The following KHDRBS2 variants were observed in gnomAD, a reference collection of about 807,000 sequenced individuals.
The protein encoded by KHDRBS2 is KH RNA binding domain containing, signal transduction associated 2.
Under a neutral mutation model 44.3 loss-of-function variants are expected in KHDRBS2, and 26 were observed. The observed-to-expected ratio is 0.59, with a 90% CI of 0.43 to 0.81. The LOEUF (loss-of-function observed/expected upper bound fraction) is 0.81, where lower values mean the gene tolerates loss of function less well. KHDRBS2 is among the 40% of genes least tolerant of loss of function. The pLI is 0.00. For synonymous variants in KHDRBS2, 194 were observed against 151.1 expected, an observed-to-expected ratio of 1.28 and a Z score of -2.08; for missense variants, 476 against 433.1, an observed-to-expected ratio of 1.10 and a Z score of -0.88.
chr6:62,079,795 T>A (rs1469722520), intron 2 of KHDRBS2, among the ~76,000 whole-genome samples: 4 of 152,082 alleles, frequency 2.6e-5, no homozygotes, highest in African/African-American at 9.7e-5. Context: ...AGTTTCCACA[T>A]AATTAAATCC....
chr6:61,764,522 C>A (rs1035075969), intron 6 of KHDRBS2, among the ~76,000 whole-genome samples: 3 of 152,160 alleles, frequency 2.0e-5, no homozygotes, highest in Non-Finnish European at 4.4e-5. Flanking sequence ...TATTTATCCA[C>A]AACCTTGCCA....
chr6:61,902,441 A>G (rs916654438), intron 4 of KHDRBS2, among the ~76,000 whole-genome samples: 13 of 152,132 alleles, frequency 8.5e-5, no homozygotes, highest in African/African-American at 3.1e-4. Context: ...GAGCTGAATC[A>G]TTACAGGTAA....
At chr6:61,701,346 C>A (rs1277906262) in intron 7 of KHDRBS2, among the ~76,000 whole-genome samples, 3 of 151,944 alleles carry the variant, frequency 2.0e-5, no homozygotes, top group Non-Finnish European at 4.4e-5. Flanking sequence ...ATAGAAGGTT[C>A]AAAAATTTGA....
chr6:61,974,933 AAAAT>A (rs139333730), intron 4 of KHDRBS2, among the ~76,000 whole-genome samples: 81,071 of 138,370 alleles, frequency 0.59, 25,253 homozygotes, highest in Non-Finnish European at 0.69. Context: ...TCCATCTTAA[AAAAT>A]AAATAAATAA....
rs200373700 is a variant in KHDRBS2, at chr6:61,944,894, C to A, written c.483+33172G>T. Among the ~76,000 whole-genome samples, 82 of 151,378 alleles carry A rather than the reference C, an allele frequency of 5.4e-4. No homozygotes were observed. In the East Asian group the frequency reaches 0.014, roughly 25 times the overall value. On this transcript the variant is annotated intron_variant, in intron 4 of 8. Coordinates refer to ENST00000281156, the MANE Select transcript of KHDRBS2 (RefSeq NM_152688.4). ...TCACCTGAGATCAGGAGCTCAAGACCAGTCTGGCCAACATGAGGAAACCCC... is the reference window on the plus strand; with the variant it reads ...TCACCTGAGATCAGGAGCTCAAGACAAGTCTGGCCAACATGAGGAAACCCC...
intron 4 of KHDRBS2, among the ~76,000 whole-genome samples, chr6:61,913,848 A>G (rs1253593231): frequency 2.0e-5 from 3 of 152,126 alleles, no homozygotes; most frequent in Non-Finnish European, 4.4e-5. Context: ...AAAGACAGGA[A>G]GGAGCTGAGC....
chr6:61,898,844 A>G, intron 5 of KHDRBS2, among the ~76,000 whole-genome samples: 1 of 151,944 alleles, frequency 6.6e-6, no homozygotes, highest in Non-Finnish European at 1.5e-5. Context: ...TTTAGGAGCA[A>G]TAGGGAGGTG....
chr6:62,240,701 T>C (rs1279124606), intron 1 of KHDRBS2, among the ~76,000 whole-genome samples: 1 of 132,270 alleles, frequency 7.6e-6, no homozygotes, highest in Admixed American at 7.5e-5. Flanking sequence ...TATATATATA[T>C]ATATATATAT....
In KHDRBS2 at chr6:62,071,438, T is replaced by G. The variant is rs375709574; in HGVS notation, c.220-23444A>C. ...CCCATGCCTATGTCCTGAATGGTAT[T>G]GCTTATGTTTTCTTCTAGGATTTTT... On this transcript the variant is annotated intron_variant, in intron 2 of 8. Transcript: ENST00000281156. Among the ~76,000 whole-genome samples, 8 of 152,358 alleles carry G rather than the reference T, an allele frequency of 5.3e-5. No homozygotes were observed. In the East Asian group the frequency reaches 1.3e-3, roughly 26 times the overall value.
chr6:62,013,754 G>A (rs1455410622), intron 3 of KHDRBS2, among the ~76,000 whole-genome samples: 3 of 152,120 alleles, frequency 2.0e-5, no homozygotes, highest in South Asian at 2.1e-4. Flanking sequence ...TTGGCAGTGC[G>A]TTGCCTCACA....
chr6:61,892,947 C>T (rs1411981376), intron 6 of KHDRBS2, among the ~76,000 whole-genome samples: 1 of 151,950 alleles, frequency 6.6e-6, no homozygotes, highest in South Asian at 2.1e-4. Flanking sequence ...AAAGAAACTA[C>T]CATCAGAGTG....
chr6:62,074,570 T>C (rs1034872505), intron 2 of KHDRBS2, among the ~76,000 whole-genome samples: 1 of 151,904 alleles, frequency 6.6e-6, no homozygotes, highest in Admixed American at 6.6e-5. Context: ...ACCTTCTACA[T>C]ATTTATACTA....
intron 4 of KHDRBS2, among the ~76,000 whole-genome samples, chr6:61,904,815 A>G (rs1396885564): frequency 2.0e-5 from 3 of 152,016 alleles, no homozygotes; most frequent in Admixed American, 2.0e-4. Context: ...TTTTTTTGTC[A>G]CAAGAAGATT....
chr6:62,009,507 C>G (rs1029972151), intron 3 of KHDRBS2, among the ~76,000 whole-genome samples: 7 of 152,104 alleles, frequency 4.6e-5, no homozygotes, highest in African/African-American at 7.2e-5. Context: ...AATGAGGAGC[C>G]GAATGTTAAT....
chr6:61,549,197 T>C, the KHDRBS2 span, among the ~76,000 whole-genome samples: 1 of 152,040 alleles, frequency 6.6e-6, no homozygotes, highest in Non-Finnish European at 1.5e-5. Context: ...CCATAAAGTA[T>C]GAGATATAAG....
intron 1 of KHDRBS2, among the ~76,000 whole-genome samples, chr6:62,243,954 A>C (rs1183558482): frequency 6.6e-6 from 1 of 152,028 alleles, no homozygotes; most frequent in African/African-American, 2.4e-5. Context: ...TCTTTTTTTG[A>C]ATTTTCTAGA....
chr6:62,065,217 C>T (rs1318553160), intron 2 of KHDRBS2, among the ~76,000 whole-genome samples: 3 of 152,118 alleles, frequency 2.0e-5, no homozygotes, highest in African/African-American at 7.2e-5. Context: ...TTGTGGAAGT[C>T]AGTGTGGCCA....
At chr6:61,723,134 T>C (rs1234775621) in intron 7 of KHDRBS2, among the ~76,000 whole-genome samples, 2 of 150,156 alleles carry the variant, frequency 1.3e-5, no homozygotes, top group African/African-American at 2.5e-5. Flanking sequence ...AGCAGGACTA[T>C]AGACAAGTGG....
At chr6:61,890,330 A>G (rs1279960592) in intron 6 of KHDRBS2, among the ~76,000 whole-genome samples, 1 of 152,026 alleles carries the variant, frequency 6.6e-6, no homozygotes, top group Non-Finnish European at 1.5e-5. Context: ...GAACATACTC[A>G]CCTCTTAAAT....
Sources: allele counts gnomAD v4.1 joint callset (sites outside exome capture counted in the v4.1 genomes callset), GRCh38; gene constraint gnomAD v4.1.1; transcripts MANE v1.5; gene names NCBI Gene and HGNC (gene_info 2026-07-23, HGNC 2026-07-21).